The following PDE1A variants were observed in gnomAD, a reference collection of about 807,000 sequenced individuals.
PDE1A encodes the protein phosphodiesterase 1A, also known as dual specificity calcium/calmodulin-dependent 3',5'-cyclic nucleotide phosphodiesterase 1A.
Under a neutral mutation model 61.7 loss-of-function variants are expected in PDE1A, and 35 were observed. The ratio of observed to expected loss-of-function variants is 0.57; its 90% confidence interval spans 0.43 to 0.75. The LOEUF is 0.75. Ranked by LOEUF, PDE1A falls within the 30% of genes least tolerant of loss-of-function variation. The pLI, the probability that PDE1A is intolerant of heterozygous loss-of-function variation, is 0.00. For synonymous variants in PDE1A, 232 were observed against 213.2 expected, an observed-to-expected ratio of 1.09 and a Z score of -0.77; for missense variants, 597 against 630.6, an observed-to-expected ratio of 0.95 and a Z score of 0.57.
intron 13 of PDE1A, among the ~76,000 whole-genome samples, chr2:182,180,331 ACT>A (rs1224073913): frequency 6.6e-6 from 1 of 152,156 alleles, no homozygotes; most frequent in East Asian, 1.9e-4. Context: ...GTAAAATTCT[ACT>A]TATTTCTAAT....
intron 2 of PDE1A, among the ~76,000 whole-genome samples, chr2:182,498,897 T>C (rs1284674224): frequency 6.6e-6 from 1 of 151,666 alleles, no homozygotes; most frequent in East Asian, 2.0e-4. Context: ...TGAGCGGAAA[T>C]GCGCCACTGC....
At chr2:182,340,147 T>C (rs996421391) in intron 1 of PDE1A, among the ~76,000 whole-genome samples, 8 of 152,168 alleles carry the variant, frequency 5.3e-5, no homozygotes, top group Non-Finnish European at 1.2e-4. Flanking sequence ...ATTTATAAAA[T>C]TGTCAGAAGA....
At chr2:182,185,512 G>A (rs1305177840) in intron 13 of PDE1A, among the ~76,000 whole-genome samples, 2 of 152,148 alleles carry the variant, frequency 1.3e-5, no homozygotes, top group Non-Finnish European at 2.9e-5. Flanking sequence ...CTGACATGAA[G>A]TGATAACACA....
the PDE1A span, among the ~76,000 whole-genome samples, chr2:182,603,529 T>A: frequency 6.6e-6 from 1 of 152,128 alleles, no homozygotes; most frequent in Non-Finnish European, 1.5e-5. Flanking sequence ...TGGTATTTTT[T>A]AGTAGAGACA....
rs147357120 is a variant in PDE1A, at chr2:182,474,778, C to T, written c.101+47498G>A. Among the ~76,000 whole-genome samples the T allele has an allele frequency of 4.6e-3, 697 of 151,944 alleles. 14 individuals carry two copies. Among genetic ancestry groups the T allele is most frequent in the East Asian group, 0.012 (61 of 5,138 alleles). ...CTTTCCAAAAAGATTAAGGAGAAGA[C>T]GATGACCAAGAACACTCAACTGCCC... is the stretch of plus-strand genomic sequence containing the variant. On this transcript the variant is annotated intron_variant, in intron 2 of 14. Transcript: ENST00000410103.
At chr2:182,509,158 C>G (rs188702725) in intron 2 of PDE1A, among the ~76,000 whole-genome samples, 42 of 152,184 alleles carry the variant, frequency 2.8e-4, no homozygotes, top group Admixed American at 2.7e-3. Context: ...GTTTGGTGTA[C>G]CAAAGGCCAA....
chr2:182,301,441 G>A (rs1695235405), intron 1 of PDE1A, among the ~76,000 whole-genome samples: 1 of 152,150 alleles, frequency 6.6e-6, no homozygotes. Context: ...AAGTGACCCA[G>A]TTGGGTGATG....
At chr2:182,435,904 A>G (rs889361752) in intron 2 of PDE1A, among the ~76,000 whole-genome samples, 3 of 152,072 alleles carry the variant, frequency 2.0e-5, no homozygotes, top group African/African-American at 7.2e-5. Flanking sequence ...CCAAGAAATG[A>G]ATTGAATCAA....
At chr2:182,646,685 G>GA in the PDE1A span, among the ~76,000 whole-genome samples, 69 of 135,996 alleles carry the variant, frequency 5.1e-4, no homozygotes, top group African/African-American at 5.9e-4. Flanking sequence ...CTCCATCTAG[G>GA]AAAAAAAAAA....
intron 2 of PDE1A, among the ~76,000 whole-genome samples, chr2:182,437,489 T>C (rs950721275): frequency 3.3e-5 from 5 of 151,958 alleles, no homozygotes; most frequent in African/African-American, 9.7e-5. Flanking sequence ...TGAAATTACC[T>C]AGCCCCTATA....
At chr2:182,386,843 G>GGGGCGC (rs1349811180) in intron 1 of PDE1A, among the ~76,000 whole-genome samples, 2 of 151,920 alleles carry the variant, frequency 1.3e-5, no homozygotes, top group Non-Finnish European at 2.9e-5. Context: ...TGGGAGGTGG[G>GGGGCGC]GGGCGCCTCT....
At chr2:182,239,264 A>G (rs1201882561) in intron 3 of PDE1A, among the ~76,000 whole-genome samples, 1 of 152,200 alleles carries the variant, frequency 6.6e-6, no homozygotes, top group African/African-American at 2.4e-5. Flanking sequence ...AATTTTAGGC[A>G]TATTGGCAAA....
At chr2:182,653,431 G>T in the PDE1A span, among the ~76,000 whole-genome samples, 7 of 152,136 alleles carry the variant, frequency 4.6e-5, no homozygotes, top group East Asian at 1.4e-3. Flanking sequence ...TGTGGTGTGT[G>T]GCAGGACCAG....
chr2:182,275,060 T>C (rs1473715162), intron 1 of PDE1A, among the ~76,000 whole-genome samples: 1 of 152,104 alleles, frequency 6.6e-6, no homozygotes, highest in Admixed American at 6.6e-5. Context: ...TGCAATTGAT[T>C]ACTTGGATGA....
intron 1 of PDE1A, among the ~76,000 whole-genome samples, chr2:182,404,046 A>T (rs1030144235): frequency 6.6e-6 from 1 of 151,698 alleles, no homozygotes; most frequent in Non-Finnish European, 1.5e-5. Context: ...ATAGGAACAA[A>T]TTTTTTTTTT....
chr2:182,704,261 G>A, the PDE1A span, among the ~76,000 whole-genome samples: 1 of 148,942 alleles, frequency 6.7e-6, no homozygotes, highest in African/African-American at 2.4e-5. Context: ...AAAGCTCCCT[G>A]TTCCTACTCA....
chr2:182,438,813 A>G (rs899840539), intron 2 of PDE1A, among the ~76,000 whole-genome samples: 1 of 152,054 alleles, frequency 6.6e-6, no homozygotes, highest in Non-Finnish European at 1.5e-5. Flanking sequence ...ATGGGGAGCC[A>G]CTAGTGGGCT....
the PDE1A span, among the ~76,000 whole-genome samples, chr2:182,669,277 G>C: frequency 2.0e-4 from 30 of 152,246 alleles, no homozygotes; most frequent in East Asian, 5.2e-3. Context: ...CATTTTGTTT[G>C]TTAGGTGTGA....
At chr2:182,230,415 G>A (rs556929053) in intron 5 of PDE1A, among the ~76,000 whole-genome samples, 1 of 152,118 alleles carries the variant, frequency 6.6e-6, no homozygotes, top group Admixed American at 6.5e-5. Context: ...ATCTTCCGGA[G>A]AGTAGGAAGG....
Sources: allele counts gnomAD v4.1 joint callset (sites outside exome capture counted in the v4.1 genomes callset), GRCh38; gene constraint gnomAD v4.1.1; transcripts MANE v1.5; gene names NCBI Gene and HGNC (gene_info 2026-07-23, HGNC 2026-07-21).